Variants in ADAM12 observed in about 807,000 individuals in gnomAD.
The protein encoded by ADAM12 is disintegrin and metalloproteinase domain-containing protein 12.
Under a neutral mutation model 106.4 loss-of-function variants are expected in ADAM12, and 70 were observed. That is an observed-to-expected ratio of 0.66 (90% CI 0.54 to 0.80). The LOEUF (loss-of-function observed/expected upper bound fraction) is 0.80. Ranked by LOEUF, ADAM12 falls within the 30% of genes least tolerant of loss-of-function variation. The pLI, the probability that ADAM12 is intolerant of heterozygous loss-of-function variation, is 0.00. For synonymous variants in ADAM12, 420 were observed against 433.5 expected (o/e 0.97, Z 0.39); for missense variants, 1,010 against 1,171.9 (o/e 0.86, Z 2.02).
chr10:126,311,094 T>TAC (rs67514376), intron 2 of ADAM12, among the ~76,000 whole-genome samples: 11,025 of 138,366 alleles, frequency 0.08, 422 homozygotes, highest in Middle Eastern at 0.11. Flanking sequence ...TACACACAAA[T>TAC]ACACACACAC....
rs1960110267 is a variant in ADAM12, at chr10:126,290,714, A to G, written c.187-11726T>C. 2.0e-5 allele frequency among the ~76,000 whole-genome samples: 3 copies of G among 152,238 alleles called. No homozygotes were observed. The South Asian group carries it at 6.2e-4, about 31-fold the overall frequency. On this transcript the variant is annotated intron_variant, in intron 2 of 22. Transcript: ENST00000448723. Reference sequence around the variant, plus strand: ...ATGACGCTTCAAAAATTTTTCAAAAAGGAATATTATACATTTATTAACTGA... The same window carrying G: ...ATGACGCTTCAAAAATTTTTCAAAAGGGAATATTATACATTTATTAACTGA...
At chr10:126,217,161 ATC>A (rs1958002038) in intron 3 of ADAM12, among the ~76,000 whole-genome samples, 1 of 152,186 alleles carries the variant, frequency 6.6e-6, no homozygotes, top group East Asian at 1.9e-4. Context: ...TTTTATAATA[ATC>A]ACTATAAAAG....
chr10:126,058,673 G>A (rs895711808), intron 14 of ADAM12, among the ~76,000 whole-genome samples: 21 of 152,198 alleles, frequency 1.4e-4, no homozygotes, highest in African/African-American at 4.8e-4. Flanking sequence ...CTCTCTGCGC[G>A]CCCTGCCTGT....
chr10:126,113,006 G>T (rs73378644), intron 6 of ADAM12, among the ~76,000 whole-genome samples: 1 of 152,112 alleles, frequency 6.6e-6, no homozygotes, highest in African/African-American at 2.4e-5. Flanking sequence ...CAGAATTAAC[G>T]AAAGAAAGAG....
At chr10:126,338,442 C>T (rs1423919518) in intron 1 of ADAM12, among the ~76,000 whole-genome samples, 4 of 151,420 alleles carry the variant, frequency 2.6e-5, no homozygotes, top group East Asian at 3.9e-4. Context: ...TTAGTAGAGA[C>T]GGGGTTTCAC....
rs986614593 is a variant in ADAM12 at position 126,013,693 on chromosome 10, G to T, written c.*3586C>A. 1 of 152,454 alleles carries T rather than the reference G, an allele frequency of 6.6e-6. No individual in the cohort carries two copies. The highest frequency in any genetic ancestry group is 2.4e-5 in the African/African-American group (1 of 41,582). 9.4% of individuals were successfully genotyped at this position (152,454 alleles called of 1,614,324 possible). On this transcript the variant is annotated 3_prime_UTR_variant, in exon 23 of 23. Coordinates refer to ENST00000448723, the MANE Select transcript of ADAM12 (RefSeq NM_001288973.2). This position sits in a 1 kb window ranked among gnomAD's most constrained non-coding sequence, Gnocchi z 4.3. ...GACCTGGGAAAGGGGCTTGTGTCTG[G>T]GTGATAGGGAAAGGTAAACAGATGT...
intron 4 of ADAM12, 142 bp downstream of exon 4, chr10:126,155,085 A>T (rs1956788814): frequency 3.6e-6 from 3 of 837,656 alleles, no homozygotes; most frequent in Middle Eastern, 2.4e-4. Flanking sequence ...AACGCCTACC[A>T]CTAAGGGACA....
chr10:126,099,865 T>C (rs1590407481), intron 9 of ADAM12, among the ~76,000 whole-genome samples: 1 of 152,352 alleles, frequency 6.6e-6, no homozygotes, highest in East Asian at 1.9e-4. Context: ...AGCTTTCCTT[T>C]CTGTGCTATA....
intron 3 of ADAM12, among the ~76,000 whole-genome samples, chr10:126,233,412 G>A (rs1451865763): frequency 6.6e-6 from 1 of 152,194 alleles, no homozygotes; most frequent in Non-Finnish European, 1.5e-5. Context: ...GCTGGGGGAG[G>A]AGGGTGTGCA....
At chr10:126,266,815 C>T (rs1049698572) in intron 3 of ADAM12, among the ~76,000 whole-genome samples, 5 of 152,076 alleles carry the variant, frequency 3.3e-5, no homozygotes, top group Non-Finnish European at 7.4e-5. Flanking sequence ...GGAGGTTCCA[C>T]ACACTTCTAA....
At chr10:126,268,517 T>C (rs11244927) in intron 3 of ADAM12, among the ~76,000 whole-genome samples, 2,662 of 152,326 alleles carry the variant, frequency 0.017, 53 homozygotes, top group East Asian at 0.055. Context: ...AATAAAGATA[T>C]GCCACATACT....
At chr10:126,056,238 T>C (rs1358552567) in intron 14 of ADAM12, among the ~76,000 whole-genome samples, 1 of 152,206 alleles carries the variant, frequency 6.6e-6, no homozygotes, top group Non-Finnish European at 1.5e-5. Flanking sequence ...TATCATACTT[T>C]ACCACTGAAA....
At chr10:126,157,328 C>T (rs1956838001) in intron 3 of ADAM12, among the ~76,000 whole-genome samples, 2 of 152,222 alleles carry the variant, frequency 1.3e-5, no homozygotes, top group Admixed American at 1.3e-4. Context: ...ATAAGTCCCT[C>T]TCTTCTGCCT....
chr10:126,329,484 C>T (rs1417311057), intron 2 of ADAM12, among the ~76,000 whole-genome samples: 1 of 152,080 alleles, frequency 6.6e-6, no homozygotes, highest in East Asian at 1.9e-4. Flanking sequence ...ATATCAACAC[C>T]ACTATACTTG....
intron 3 of ADAM12, among the ~76,000 whole-genome samples, chr10:126,249,566 C>T (rs949370794): frequency 8.5e-5 from 13 of 152,200 alleles, no homozygotes; most frequent in African/African-American, 3.1e-4. Context: ...CGTGTGGTGG[C>T]GGGCGCCTGT....
At position 126,036,340 on chromosome 10, in the gene ADAM12, T is replaced by C; in HGVS notation, c.2350-15A>G. On this transcript the variant is annotated splice_polypyrimidine_tract_variant and intron_variant, in intron 20 of 22. Transcript: ENST00000448723. ...CTGGGATTGTCCTGTACAGTCAAAGTAAAAAGCCATGCTATAGCGGGTTTC... is the reference window on the plus strand; with the variant it reads ...CTGGGATTGTCCTGTACAGTCAAAGCAAAAAGCCATGCTATAGCGGGTTTC... The C allele has an allele frequency of 6.4e-7, 1 of 1,563,712 alleles. No homozygotes were observed. Among genetic ancestry groups the C allele is most frequent in the South Asian group, 1.2e-5 (1 of 81,182 alleles).
chr10:126,165,132 T>C (rs891967222), intron 3 of ADAM12, among the ~76,000 whole-genome samples: 5 of 152,144 alleles, frequency 3.3e-5, no homozygotes, highest in African/African-American at 1.2e-4. Context: ...CTCCTGCCCC[T>C]GTTCATTGTT....
intron 3 of ADAM12, among the ~76,000 whole-genome samples, chr10:126,248,029 C>G (rs994055329): frequency 1.3e-5 from 2 of 152,174 alleles, no homozygotes; most frequent in African/African-American, 4.8e-5. Flanking sequence ...GAGAAGGTAT[C>G]AGATGTGGGT....
intron 1 of ADAM12, among the ~76,000 whole-genome samples, chr10:126,345,014 T>C (rs2133875923): frequency 6.6e-6 from 1 of 152,326 alleles, no homozygotes; most frequent in Non-Finnish European, 1.5e-5. Flanking sequence ...ATACCCTTTA[T>C]TTCTTTCTCC....
Sources: gnomAD v4.1 joint callset for allele counts (sites outside exome capture counted in the v4.1 genomes callset) on GRCh38, gnomAD v4.1.1 for gene constraint, Gnocchi (gnomAD v3.1) non-coding constraint, MANE v1.5 for transcripts, NCBI Gene and HGNC (gene_info 2026-07-23, HGNC 2026-07-21) for gene names.